The following ATP4A variants were observed in gnomAD, a reference collection of about 807,000 sequenced individuals.
ATP4A encodes ATPase H+/K+ transporting subunit alpha, also known as potassium-transporting ATPase alpha chain 1.
ATP4A carries 73 observed loss-of-function variants against 112.1 expected under a neutral mutation model. That is an observed-to-expected ratio of 0.65 (90% CI 0.54 to 0.79). The LOEUF (loss-of-function observed/expected upper bound fraction) is 0.79, where lower values mean the gene tolerates loss of function less well. ATP4A is among the 30% of genes least tolerant of loss of function. The pLI, the probability that ATP4A is intolerant of heterozygous loss-of-function variation, is 0.00. For missense variants in ATP4A, 1,081 were observed against 1,425.9 expected, an observed-to-expected ratio of 0.76 and a Z score of 3.90; for synonymous variants, 588 against 588.9, an observed-to-expected ratio of 1.00 and a Z score of 0.02.
chr19:35,563,265 C>T lies in ATP4A; in HGVS notation c.160G>A (p.Asp54Asn), dbSNP rs2071682871. 3 of 1,614,028 alleles carry T rather than the reference C, an allele frequency of 1.9e-6. No individual in the cohort carries two copies. The highest frequency in any genetic ancestry group is 2.2e-5 in the East Asian group (1 of 44,862). Reference protein sequence around the residue: ...ENMKKEMEINDHQLSVAELEQ... With the variant: ...ENMKKEMEINNHQLSVAELEQ... ...AGCTCCGCCACTGACAGCTGGTGGT[C>T]GTTCTGTGTGGTGGGGTGGGGCAGG... Residue 54 changes from aspartate (D) to asparagine (N), a missense_variant, in exon 3 of 22, where the codon GAC becomes AAC. Transcript: ENST00000262623.
rs144333964 is a variant in ATP4A, at chr19:35,560,487, G to A, written c.663C>T (p.Gly221=). 47 of 1,613,584 alleles carry A rather than the reference G, an allele frequency of 2.9e-5. No homozygotes were observed. In the African/African-American group the frequency reaches 5.3e-4, roughly 18 times the overall value. The change falls in exon 6 of 22, where the codon GGC becomes GGT. Residue 221 remains glycine, a synonymous_variant. Transcript: ENST00000262623. This position sits in a 1 kb window ranked among gnomAD's most constrained non-coding sequence, Gnocchi z 5.1. Reference sequence around the variant, plus strand: ...TCAGCGAGGAGTTGTCCACCTTGCAGCCCTGGGCCGCCAGGATGCGGATGT... The same window carrying A: ...TCAGCGAGGAGTTGTCCACCTTGCAACCCTGGGCCGCCAGGATGCGGATGT... ...PADIRILAAQ[G]CKVDNSSLTG...
chr19:35,556,305 C>T (rs1259492705), intron 12 of ATP4A, among the ~76,000 whole-genome samples: 4 of 152,100 alleles, frequency 2.6e-5, no homozygotes, highest in Non-Finnish European at 4.4e-5. Context: ...AGAGGGCTAA[C>T]GAACAAGCTT....
In ATP4A at chr19:35,560,094, G is replaced by A. The variant is rs752419215; in HGVS notation, c.788-21C>T. On this transcript the variant is annotated intron_variant, in intron 6 of 21. Coordinates refer to ENST00000262623, the MANE Select transcript of ATP4A (RefSeq NM_000704.3). This position sits in a 1 kb window ranked among gnomAD's most constrained non-coding sequence, Gnocchi z 5.1. ...GGTGCCTGCAGGGGGGCCAAGGCGC[G>A]ACTCAGGGATAGGGGGCGGCAGTGG... 85 of 1,612,168 alleles carry A rather than the reference G, an allele frequency of 5.3e-5. 1 individual carries two copies. The East Asian group carries it at 1.6e-3, about 31-fold the overall frequency.
At chr19:35,561,426 C>G (rs1245957830) in intron 4 of ATP4A, among the ~76,000 whole-genome samples, 1 of 152,112 alleles carries the variant, frequency 6.6e-6, no homozygotes, top group Admixed American at 6.5e-5. Flanking sequence ...CTCACATCCC[C>G]GTCCCTGCGT....
At chr19:35,553,638 C>T in intron 17 of ATP4A, 68 bp downstream of exon 17, 2 of 1,580,330 alleles carry the variant, frequency 1.3e-6, no homozygotes, top group Non-Finnish European at 1.7e-6. Flanking sequence ...CAAGGCAGGG[C>T]CTGGGGCAGG....
In ATP4A at chr19:35,550,542, G is replaced by T; in HGVS notation, c.*73C>A. The T allele has an allele frequency of 6.3e-7, 1 of 1,581,778 alleles. No homozygotes were observed. Among genetic ancestry groups the T allele is most frequent in the Non-Finnish European group, 8.7e-7 (1 of 1,152,288 alleles). On this transcript the variant is annotated 3_prime_UTR_variant, in exon 22 of 22. Transcript: ENST00000262623. The surrounding 1 kb of genome is among the most constrained non-coding windows in gnomAD (Gnocchi z 4.1). ...TGGTTGCTCAGATATCTTGGTGGCTGTCCAGAGGGTCCCACGAGCCCTGCC... is the reference window on the plus strand; with the variant it reads ...TGGTTGCTCAGATATCTTGGTGGCTTTCCAGAGGGTCCCACGAGCCCTGCC...
chr19:35,553,813 A>G lies in ATP4A; in HGVS notation c.2498T>C (p.Leu833Pro). 6.3e-7 allele frequency: 1 copy of G among 1,583,888 alleles called. No individual in the cohort carries two copies. The highest frequency in any genetic ancestry group is 8.6e-7 in the Non-Finnish European group (1 of 1,164,726). Residue 833 changes from leucine to proline, a missense_variant, in exon 17 of 22, where the codon CTG (leucine) becomes CCG (proline). Coordinates refer to ENST00000262623, the MANE Select transcript of ATP4A (RefSeq NM_000704.3). ...LCTDIFPSVS[L>P]AYEKAESDIM... ...GTCACTCTCGGCCTTTTCATATGCC[A>G]GGGACACAGATGGGAACTGGCCAGG...
rs765933585 is a variant in ATP4A, at chr19:35,553,696, G to T, written c.2605+10C>A. The T allele has an allele frequency of 6.8e-6, 11 of 1,612,620 alleles. No individual in the cohort carries two copies. The highest frequency in any genetic ancestry group is 1.1e-5 in the South Asian group (1 of 90,918). ...CCCACCTCCAGGCTCCCCGGCCCACGGGCACCCACCAATCTGGAAGTAGGA... is the reference window on the plus strand; with the variant it reads ...CCCACCTCCAGGCTCCCCGGCCCACTGGCACCCACCAATCTGGAAGTAGGA... On this transcript the variant is annotated intron_variant, in intron 17 of 21. Coordinates refer to ENST00000262623, the MANE Select transcript of ATP4A (RefSeq NM_000704.3).
In ATP4A at chr19:35,560,145, G is replaced by A. The variant is rs921996634; in HGVS notation, c.788-72C>T. ...GGTGTGCACTGCCGTGTGAGCTGAA[G>A]GACAGCCAGTCACTGCCAGTGGAGG... On this transcript the variant is annotated intron_variant, in intron 6 of 21. Transcript: ENST00000262623. The surrounding 1 kb of genome is among the most constrained non-coding windows in gnomAD (Gnocchi z 5.1). The A allele has an allele frequency of 1.3e-6, 2 of 1,580,826 alleles. No homozygotes were observed. Among genetic ancestry groups the A allele is most frequent in the Non-Finnish European group, 1.7e-6 (2 of 1,161,200 alleles).
Position 35,557,137 on chromosome 19 carries a change from T to A in ATP4A, c.1694-49A>T. The A allele has an allele frequency of 6.2e-7, 1 of 1,600,548 alleles. No individual in the cohort carries two copies. The highest frequency in any genetic ancestry group is 8.5e-7 in the Non-Finnish European group (1 of 1,170,628). On this transcript the variant is annotated intron_variant, in intron 11 of 21. Coordinates refer to ENST00000262623, the MANE Select transcript of ATP4A (RefSeq NM_000704.3). The surrounding 1 kb of genome is among the most constrained non-coding windows in gnomAD (Gnocchi z 4.4). ...GGAAGAGCCCTGGGCACACCCTTTC[T>A]TAGCAGGGCCAGGAAATGGGTAAAA... is the stretch of plus-strand genomic sequence containing the variant.
At chr19:35,562,990 C>T (rs887953998) in intron 3 of ATP4A, among the ~76,000 whole-genome samples, 3 of 151,288 alleles carry the variant, frequency 2.0e-5, no homozygotes, top group African/African-American at 7.3e-5. Flanking sequence ...CTCTCTCTCC[C>T]TCTCTCCATC....
At position 35,550,529 on chromosome 19, in the gene ATP4A, T is replaced by G. The variant is rs186527539; in HGVS notation, c.*86A>C. ...GGGCTGGGACTCTTGGTTGCTCAGA[T>G]ATCTTGGTGGCTGTCCAGAGGGTCC... On this transcript the variant is annotated 3_prime_UTR_variant, in exon 22 of 22. Coordinates refer to ENST00000262623, the MANE Select transcript of ATP4A (RefSeq NM_000704.3). The surrounding 1 kb of genome is among the most constrained non-coding windows in gnomAD (Gnocchi z 4.1). 7.5e-4 allele frequency: 1,158 copies of G among 1,553,128 alleles called. 20 individuals are homozygous for G. The South Asian group carries it at 0.011, about 15-fold the overall frequency.
chr19:35,555,417 C>A lies in ATP4A; in HGVS notation c.2157+23G>T. On this transcript the variant is annotated intron_variant, in intron 14 of 21. Coordinates refer to ENST00000262623, the MANE Select transcript of ATP4A (RefSeq NM_000704.3). The surrounding 1 kb of genome is among the most constrained non-coding windows in gnomAD (Gnocchi z 6.6). ...CAGCCCCGCCTGTCTGCCCGCCTGC[C>A]CACCCTCATCAGCAGGGCTCACCAG... The A allele has an allele frequency of 6.2e-7, 1 of 1,608,246 alleles. No homozygotes were observed. Among genetic ancestry groups the A allele is most frequent in the South Asian group, 1.1e-5 (1 of 90,402 alleles).
chr19:35,562,748 C>G (rs2146313004), intron 3 of ATP4A, 110 bp from the exon 4 acceptor site: 6 of 1,081,596 alleles, frequency 5.5e-6, no homozygotes, highest in Non-Finnish European at 7.8e-6. Context: ...CTGTCCTGCT[C>G]CTTCTCATCT....
Position 35,557,385 on chromosome 19 carries a change from C to T in ATP4A, c.1693+270G>A, listed in dbSNP as rs760983668. ...GATCTGCTTTCTAGGGTAGAGGCAG[C>T]GAAGTTTAAGGCGTCAGGACAAAAA... is the stretch of plus-strand genomic sequence containing the variant. On this transcript the variant is annotated intron_variant, in intron 11 of 21. Transcript: ENST00000262623. This position sits in a 1 kb window ranked among gnomAD's most constrained non-coding sequence, Gnocchi z 4.4. Among the ~76,000 whole-genome samples, 1 of 152,048 alleles carries T rather than the reference C, an allele frequency of 6.6e-6. No individual in the cohort carries two copies. Among genetic ancestry groups the T allele is most frequent in the Non-Finnish European group, 1.5e-5 (1 of 68,008 alleles).
intron 4 of ATP4A, among the ~76,000 whole-genome samples, chr19:35,561,196 G>A (rs1181104821): frequency 6.6e-6 from 1 of 151,836 alleles, no homozygotes; most frequent in Non-Finnish European, 1.5e-5. Flanking sequence ...AATCTTCCAT[G>A]TCCCCATATC....
intron 12 of ATP4A, among the ~76,000 whole-genome samples, chr19:35,556,644 G>C (rs985001158): frequency 6.6e-6 from 1 of 152,228 alleles, no homozygotes; most frequent in Non-Finnish European, 1.5e-5. Flanking sequence ...GCAGGGGTGT[G>C]TGTGTCCCCA....
In ATP4A at chr19:35,557,030, T is replaced by C. The variant is rs61745100; in HGVS notation, c.1752A>G (p.Val584=). Residue 584 remains valine (V), a synonymous_variant, in exon 12 of 22, where the codon GTA becomes GTG. Transcript: ENST00000262623. The surrounding 1 kb of genome is among the most constrained non-coding windows in gnomAD (Gnocchi z 4.4). The part of the protein sequence containing the change: ...KDYPPGYAFD[V]EAMNFPSSGL... ...CGCTAGATGGAAAGTTCATGGCCTC[T>C]ACGTCGAAGGCATAGCCAGGCGGGT... 1.9e-3 allele frequency: 3,085 copies of C among 1,614,188 alleles called. 49 individuals are homozygous for C. In the African/African-American group the frequency reaches 0.037, roughly 19 times the overall value.
chr19:35,552,534 G>A (rs1599570151), intron 18 of ATP4A, among the ~76,000 whole-genome samples: 1 of 152,182 alleles, frequency 6.6e-6, no homozygotes, highest in African/African-American at 2.4e-5. Flanking sequence ...AACCTGCCCA[G>A]GGTTACACAG....
Sources: allele counts gnomAD v4.1 joint callset (sites outside exome capture counted in the v4.1 genomes callset), GRCh38; gene constraint gnomAD v4.1.1; non-coding constraint Gnocchi (gnomAD v3.1); transcripts MANE v1.5; gene names NCBI Gene and HGNC (gene_info 2026-07-23, HGNC 2026-07-21).